Variants in TENM3 observed in about 807,000 individuals in gnomAD.
The protein encoded by TENM3 is teneurin-3.
A neutral mutation model predicts 255.1 loss-of-function variants in TENM3; 63 were observed. That is an observed-to-expected ratio of 0.25 (90% CI 0.20 to 0.30). TENM3 has a LOEUF of 0.30. TENM3 is among the 10% of genes least tolerant of loss of function. The pLI, the probability that TENM3 is intolerant of heterozygous loss-of-function variation, is 1.00. For missense variants in TENM3, 2,929 were observed against 3,461.1 expected (o/e 0.85, Z 3.86); for synonymous variants, 1,306 against 1,322.3 (o/e 0.99, Z 0.27).
chr4:181,496,925 G>T, the TENM3 span, among the ~76,000 whole-genome samples: 3 of 121,154 alleles, frequency 2.5e-5, no homozygotes, highest in Admixed American at 2.1e-4. Context: ...TATACACAGA[G>T]AAATCACTAT....
chr4:182,304,628 C>A (rs937058064), intron 1 of TENM3, among the ~76,000 whole-genome samples: 1 of 152,136 alleles, frequency 6.6e-6, no homozygotes, highest in Non-Finnish European at 1.5e-5. Flanking sequence ...GCAGGCAACA[C>A]TGGAGTAGGT....
At chr4:182,179,073 A>T (rs1285662667) in intron 1 of TENM3, among the ~76,000 whole-genome samples, 1 of 152,236 alleles carries the variant, frequency 6.6e-6, no homozygotes, top group Admixed American at 6.5e-5. Flanking sequence ...TTTGTATTAA[A>T]TAACTAAAAT....
chr4:182,064,882 G>T, the TENM3 span, among the ~76,000 whole-genome samples: 1 of 152,098 alleles, frequency 6.6e-6, no homozygotes, highest in African/African-American at 2.4e-5. Context: ...CCCACACAAG[G>T]CTGTCTCTAC....
intron 3 of TENM3, among the ~76,000 whole-genome samples, chr4:182,597,174 G>A (rs978801862): frequency 3.3e-5 from 5 of 152,238 alleles, no homozygotes; most frequent in Admixed American, 6.5e-5. Flanking sequence ...AGGCCTCCGC[G>A]GGAGGATCGC....
chr4:182,680,786 A>G, intron 10 of TENM3, 49 bp downstream of exon 10: 2 of 1,371,008 alleles, frequency 1.5e-6, no homozygotes, highest in South Asian at 3.2e-5. Context: ...TCATAAAGAA[A>G]CAGATTGTAT....
At position 182,793,960 on chromosome 4, in the gene TENM3, C is replaced by CT; in HGVS notation, c.7213+81dup. 2 of 1,366,354 alleles carry CT rather than the reference C, an allele frequency of 1.5e-6. No individual in the cohort carries two copies. The highest frequency in any genetic ancestry group is 1.5e-5 in the South Asian group (1 of 65,070). The allele number at this position is 1,366,354 out of a possible 1,614,324, so 84.6% of individuals were successfully genotyped here. ...TTAATACACAAAATAACTGGAAATG[C>CT]TTTTTTAAAAAACTTTATACTTTAC... On this transcript the variant is annotated intron_variant, in intron 26 of 27. Transcript: ENST00000511685. The surrounding 1 kb of genome is among the most constrained non-coding windows in gnomAD (Gnocchi z 5.7).
chr4:181,587,884 G>A, the TENM3 span, among the ~76,000 whole-genome samples: 1 of 152,144 alleles, frequency 6.6e-6, no homozygotes, highest in Non-Finnish European at 1.5e-5. Flanking sequence ...TTCTGGGGAA[G>A]TTGGAAGGAC....
At chr4:181,622,308 A>C in the TENM3 span, among the ~76,000 whole-genome samples, 1 of 152,142 alleles carries the variant, frequency 6.6e-6, no homozygotes, top group African/African-American at 2.4e-5. Flanking sequence ...CACCAAACAC[A>C]ATACTGGCAA....
chr4:182,577,588 AC>A (rs1432243465), intron 3 of TENM3, among the ~76,000 whole-genome samples: 40 of 152,360 alleles, frequency 2.6e-4, no homozygotes, highest in African/African-American at 8.7e-4. Context: ...AGAAACCGTT[AC>A]ACAGGAGACT....
the TENM3 span, among the ~76,000 whole-genome samples, chr4:181,957,318 G>A: frequency 1.3e-5 from 2 of 152,236 alleles, no homozygotes; most frequent in South Asian, 4.1e-4. Context: ...GTTAATGACC[G>A]ATTGTTATCT....
chr4:181,994,652 A>ACT, the TENM3 span, among the ~76,000 whole-genome samples: 1 of 150,886 alleles, frequency 6.6e-6, no homozygotes, highest in Non-Finnish European at 1.5e-5. Context: ...TATAAACTGA[A>ACT]CATTTTCATG....
chr4:181,721,457 G>A, the TENM3 span, among the ~76,000 whole-genome samples: 1 of 144,274 alleles, frequency 6.9e-6, no homozygotes, highest in Non-Finnish European at 1.5e-5. Context: ...AAAATTAGCC[G>A]GGTGTGGTGG....
At chr4:182,068,209 C>G in the TENM3 span, among the ~76,000 whole-genome samples, 1 of 152,054 alleles carries the variant, frequency 6.6e-6, no homozygotes, top group Non-Finnish European at 1.5e-5. Flanking sequence ...GAATAAGGCA[C>G]CTTTTTAATG....
chr4:181,688,188 A>C, the TENM3 span, among the ~76,000 whole-genome samples: 1 of 152,178 alleles, frequency 6.6e-6, no homozygotes, highest in Non-Finnish European at 1.5e-5. Context: ...CATCACTTTC[A>C]TCTACTTCTT....
At chr4:181,837,081 T>C in the TENM3 span, among the ~76,000 whole-genome samples, 1 of 152,150 alleles carries the variant, frequency 6.6e-6, no homozygotes. Flanking sequence ...AAATAATCAC[T>C]TTCTTGCAAA....
intron 12 of TENM3, among the ~76,000 whole-genome samples, chr4:182,698,336 A>G (rs1033139150): frequency 6.6e-6 from 1 of 152,040 alleles, no homozygotes; most frequent in African/African-American, 2.4e-5. Context: ...TCTTCTACCA[A>G]CCTCTGGTGA....
intron 1 of TENM3, among the ~76,000 whole-genome samples, chr4:182,152,957 A>G (rs2149587109): frequency 6.6e-6 from 1 of 151,930 alleles, no homozygotes; most frequent in African/African-American, 2.4e-5. Flanking sequence ...AAAAGACCTA[A>G]TTTTATATAT....
At chr4:182,451,778 G>GA (rs1580594701) in intron 3 of TENM3, among the ~76,000 whole-genome samples, 2 of 152,064 alleles carry the variant, frequency 1.3e-5, no homozygotes, top group Admixed American at 6.6e-5. Context: ...AATTAGTGGG[G>GA]AAAAAAGATC....
rs559616911 is a variant in TENM3 at position 182,582,648 on chromosome 4, GTCCTTTT to G, written c.512-18274_512-18268del. Among the ~76,000 whole-genome samples, 5 of 152,178 alleles carry G rather than the reference GTCCTTTT, an allele frequency of 3.3e-5. No homozygotes were observed. The East Asian group carries it at 9.6e-4, about 29-fold the overall frequency. On this transcript the variant is annotated intron_variant, in intron 3 of 27. Coordinates refer to ENST00000511685, the MANE Select transcript of TENM3 (RefSeq NM_001080477.4). ...TATAAAATAGAGGAGAACTATATAA[GTCCTTTT>G]TTTAAAAAAGTAGCAAACAGTATTT...
Sources: gnomAD v4.1 joint callset for allele counts (sites outside exome capture counted in the v4.1 genomes callset) on GRCh38, gnomAD v4.1.1 for gene constraint, Gnocchi (gnomAD v3.1) non-coding constraint, MANE v1.5 for transcripts, NCBI Gene and HGNC (gene_info 2026-07-23, HGNC 2026-07-21) for gene names.